Variants in RNF213 observed in about 807,000 individuals in gnomAD.
RNF213 encodes ring finger protein 213, also known as E3 ubiquitin-protein ligase RNF213.
In RNF213, 341 loss-of-function variants were observed where a neutral mutation model predicts 514.4. The observed-to-expected ratio is 0.66, with a 90% confidence interval of 0.61 to 0.73. RNF213 has a LOEUF of 0.73. Ranked by LOEUF, RNF213 falls within the 30% of genes least tolerant of loss-of-function variation. RNF213 has a pLI of 0.00. For synonymous variants in RNF213, 2,655 were observed against 2,658.2 expected (o/e 1.00, Z 0.04); for missense variants, 5,767 against 6,615.6 (o/e 0.87, Z 4.45).
Position 80,393,399 on chromosome 17 carries a change from T to A in RNF213, c.15525T>A (p.Pro5175=). The change falls in exon 68 of 68, where the codon CCT becomes CCA. Residue 5175 remains proline (P), a synonymous_variant. Coordinates refer to ENST00000582970, the MANE Select transcript of RNF213 (RefSeq NM_001256071.3). ...AAACTAAAGAAAGTGAAATTCTTCC[T>A]GAAATGGCATCTCAGTTCCCAGAAG... ...YMQTKESEIL[P]EMASQFPEEI... is the part of the protein sequence containing the mutation. The A allele has an allele frequency of 6.2e-7, 1 of 1,614,218 alleles. No individual in the cohort carries two copies. The highest frequency in any genetic ancestry group is 8.5e-7 in the Non-Finnish European group (1 of 1,180,006).
In RNF213 at chr17:80,317,178, G is replaced by A; in HGVS notation, c.2812-10G>A. The stretch of plus-strand genomic sequence containing the variant: ...TGAGAGTGGGTGTGACCTGTGTGCG[G>A]GTTTTGCAGGTCTGGAGGCGGCTGG... On this transcript the variant is annotated splice_polypyrimidine_tract_variant and intron_variant, in intron 15 of 67. Coordinates refer to ENST00000582970, the MANE Select transcript of RNF213 (RefSeq NM_001256071.3). This position sits in a 1 kb window ranked among gnomAD's most constrained non-coding sequence, Gnocchi z 4.1. The A allele has an allele frequency of 6.2e-7, 1 of 1,610,676 alleles. No individual in the cohort carries two copies. Among genetic ancestry groups the A allele is most frequent in the Non-Finnish European group, 8.5e-7 (1 of 1,179,166 alleles).
At chr17:80,280,297 G>T (rs1204504478) in intron 3 of RNF213, among the ~76,000 whole-genome samples, 1 of 152,212 alleles carries the variant, frequency 6.6e-6, no homozygotes. Context: ...CTCGGGCTCA[G>T]CAGACAGTGA....
chr17:80,289,828 TG>T lies in RNF213; in HGVS notation c.1104del (p.Lys369ArgfsTer5). 6.2e-7 allele frequency: 1 copy of T among 1,609,584 alleles called. No homozygotes were observed. The highest frequency in any genetic ancestry group is 8.5e-7 in the Non-Finnish European group (1 of 1,178,290). ...QKNQEADVQE[V>X]KASTLSPGGG... ...AACCAGGAAGCAGATGTCCAGGAAGTGAAGGCAAGGTAGGGATGCCCCCGCA... is the reference window on the plus strand; with the variant it reads ...AACCAGGAAGCAGATGTCCAGGAAGTAAGGCAAGGTAGGGATGCCCCCGCA... On this transcript the variant is annotated frameshift_variant, in exon 6 of 68. Coordinates refer to ENST00000582970, the MANE Select transcript of RNF213 (RefSeq NM_001256071.3). LOFTEE classifies it high-confidence loss of function.
intron 6 of RNF213, 49 bp downstream of exon 6, chr17:80,289,886 G>GGCACACCCTCTCCCT (rs760397781): frequency 3.9e-6 from 6 of 1,543,160 alleles, no homozygotes; most frequent in Non-Finnish European, 4.4e-6. Context: ...CTGAGAGCCC[G>GGCACACCCTCTCCCT]GCACACCCTC....
At chr17:80,328,201 G>C (rs1405023743) in intron 19 of RNF213, 127 bp from the exon 20 acceptor site, 1 of 1,215,054 alleles carries the variant, frequency 8.2e-7, no homozygotes, top group Non-Finnish European at 1.1e-6. Flanking sequence ...CGAAAAAGTG[G>C]GTATGCGCAA....
chr17:80,291,163 A>G (rs1011212649), intron 7 of RNF213, among the ~76,000 whole-genome samples: 1 of 152,096 alleles, frequency 6.6e-6, no homozygotes, highest in African/African-American at 2.4e-5. Context: ...GTTCTGGAAG[A>G]TGAATATTTC....
chr17:80,376,371 CA>C lies in RNF213; in HGVS notation c.13258del (p.Thr4420HisfsTer11). The C allele has an allele frequency of 1.2e-6, 2 of 1,614,196 alleles. No individual in the cohort carries two copies. The highest frequency in any genetic ancestry group is 2.2e-5 in the South Asian group (2 of 91,076). ...TCACCTCCTGATATCAGCCGTTTTG[CA>C]ACATCGCTCGTGGACAATTCTGTGC... Reference protein sequence around the residue: ...ILSPPDISRFATSLVDNSVPL... With the variant: ...ILSPPDISRFXTSLVDNSVPL... On this transcript the variant is annotated frameshift_variant, in exon 52 of 68. Coordinates refer to ENST00000582970, the MANE Select transcript of RNF213 (RefSeq NM_001256071.3). LOFTEE classifies it high-confidence loss of function.
rs1468549771 is a variant in RNF213, at chr17:80,363,321, C to T, written c.11568+7C>T. The T allele has an allele frequency of 1.2e-6, 2 of 1,612,300 alleles. No homozygotes were observed. The highest frequency in any genetic ancestry group is 1.7e-4 in the Middle Eastern group (1 of 6,060). ...GCTGGCTGGATGTGAGATGGTATGG[C>T]CCTCCTCCGCCTGCCCTGAGCAAGC... is the stretch of plus-strand genomic sequence containing the variant. On this transcript the variant is annotated splice_region_variant and intron_variant, in intron 40 of 67. Coordinates refer to ENST00000582970, the MANE Select transcript of RNF213 (RefSeq NM_001256071.3).
intron 21 of RNF213, among the ~76,000 whole-genome samples, chr17:80,332,951 C>G (rs2143983698): frequency 6.6e-6 from 1 of 152,234 alleles, no homozygotes. Flanking sequence ...GTTACAGAAG[C>G]CAAAAAGCAA....
At position 80,354,535 on chromosome 17, in the gene RNF213, A is replaced by G. The variant is rs1229842650; in HGVS notation, c.10821A>G (p.Glu3607=). ...ACCCTCTGGAGTGGTTGGCAAGGGA[A>G]GCCTGCAACCAGGACGCTCTCCAGG... ...QFHPLEWLAR[E]ACNQDALQEA... The change falls in exon 36 of 68, where the codon GAA becomes GAG. Residue 3607 remains glutamate (E), a synonymous_variant. Transcript: ENST00000582970. 6.2e-7 allele frequency: 1 copy of G among 1,614,204 alleles called. No homozygotes were observed. The highest frequency in any genetic ancestry group is 1.7e-5 in the Admixed American group (1 of 60,030).
At chr17:80,274,984 T>A (rs1598896179) in intron 3 of RNF213, among the ~76,000 whole-genome samples, 1 of 47,078 alleles carries the variant, frequency 2.1e-5, no homozygotes, top group Non-Finnish European at 3.8e-5. Flanking sequence ...GTGTGTTGGA[T>A]GTGTGTGTAT....
Position 80,374,487 on chromosome 17 carries a change from G to A in RNF213, c.12972G>A (p.Met4324Ile), listed in dbSNP as rs200316494. 388 of 1,614,086 alleles carry A rather than the reference G, an allele frequency of 2.4e-4. 3 individuals carry two copies. The highest frequency in any genetic ancestry group is 1.3e-3 in the Admixed American group (76 of 60,010). The change falls in exon 50 of 68, where the codon ATG becomes ATA. Residue 4324 changes from methionine to isoleucine, a missense_variant. Transcript: ENST00000582970. ...TGCGGCAGGACCACCCAGGCCAGAT[G>A]GATAGGTACCTGGTGTACGGCGATG... ...QGLRQDHPGQMDRYLVYGDEY... is the reference protein window; with the variant it reads ...QGLRQDHPGQIDRYLVYGDEY...
At chr17:80,333,218 T>G (rs1006887612) in intron 21 of RNF213, among the ~76,000 whole-genome samples, 2 of 96,302 alleles carry the variant, frequency 2.1e-5, no homozygotes, top group Admixed American at 1.8e-4. Flanking sequence ...CCGGCTAATT[T>G]TTTTGGTATT....
chr17:80,309,162 ATC>A lies in RNF213; in HGVS notation c.2650_2651del (p.Leu884GlyfsTer9). ...EIVCRMIRLL[S>X]LVDSAGQRDE... ...TTGTCTGCAGAATGATTAGACTTCT[ATC>A]TCTGGTGGTAAGTGGAGTCAACACA... On this transcript the variant is annotated frameshift_variant, in exon 14 of 68. Coordinates refer to ENST00000582970, the MANE Select transcript of RNF213 (RefSeq NM_001256071.3). LOFTEE classifies it high-confidence loss of function. 6.2e-7 allele frequency: 1 copy of A among 1,614,202 alleles called. No individual in the cohort carries two copies. Among genetic ancestry groups the A allele is most frequent in the Non-Finnish European group, 8.5e-7 (1 of 1,180,044 alleles).
chr17:80,353,277 A>G lies in RNF213; in HGVS notation c.10423+218A>G. ...CAGGCTGAGGTAGAGCTCTGTGAGC[A>G]GGCCAGCCATGGAAGTGAGCACCTA... On this transcript the variant is annotated intron_variant, in intron 33 of 67. Coordinates refer to ENST00000582970, the MANE Select transcript of RNF213 (RefSeq NM_001256071.3). The surrounding 1 kb of genome is among the most constrained non-coding windows in gnomAD (Gnocchi z 5.0). 2.5e-6 allele frequency: 2 copies of G among 789,926 alleles called. No individual in the cohort carries two copies. The highest frequency in any genetic ancestry group is 2.1e-6 in the Non-Finnish European group (1 of 485,490). The allele number at this position is 789,926 out of a possible 1,614,324, so 48.9% of individuals were successfully genotyped here.
At chr17:80,261,118 A>G (rs1316715812) in intron 1 of RNF213, among the ~76,000 whole-genome samples, 3 of 151,196 alleles carry the variant, frequency 2.0e-5, no homozygotes, top group Non-Finnish European at 4.4e-5. Context: ...CGGCTGCGGG[A>G]GGGGTCGGGG....
At position 80,287,947 on chromosome 17, in the gene RNF213, G is replaced by GCCCT; in HGVS notation, c.395_398dup (p.His135AlafsTer28). On this transcript the variant is annotated frameshift_variant, in exon 4 of 68. Coordinates refer to ENST00000582970, the MANE Select transcript of RNF213 (RefSeq NM_001256071.3). LOFTEE classifies it high-confidence loss of function. Reference sequence around the variant, plus strand: ...TTCAAACCCGTGGCCTCAGGACACAGCCCTGCCCCACAGCCAAGCCCAGCA... The same window carrying GCCCT: ...TTCAAACCCGTGGCCTCAGGACACAGCCCTCCCTGCCCCACAGCCAAGCCCAGCA... 1.9e-6 allele frequency: 3 copies of GCCCT among 1,569,876 alleles called. No homozygotes were observed. Among genetic ancestry groups the GCCCT allele is most frequent in the Non-Finnish European group, 2.6e-6 (3 of 1,157,574 alleles).
At chr17:80,312,595 C>T (rs1023520786) in intron 14 of RNF213, among the ~76,000 whole-genome samples, 1 of 151,604 alleles carries the variant, frequency 6.6e-6, no homozygotes, top group Non-Finnish European at 1.5e-5. Context: ...GGGAAGGGGA[C>T]CCAGGTTTAC....
rs183696985 is a variant in RNF213, at chr17:80,279,492, T to C, written c.261+6088T>C. Among the ~76,000 whole-genome samples the C allele has an allele frequency of 5.3e-5, 8 of 151,766 alleles. No individual in the cohort carries two copies. The East Asian group carries it at 1.6e-3, about 29-fold the overall frequency. On this transcript the variant is annotated intron_variant, in intron 3 of 67. Transcript: ENST00000582970. ...TCTTTCTTTTTTTTTTGAGACAGAG[T>C]CTCGCTCTGTCGCCCAAGCTGGAGT...
Sources: allele counts gnomAD v4.1 joint callset (sites outside exome capture counted in the v4.1 genomes callset), GRCh38; gene constraint gnomAD v4.1.1; non-coding constraint Gnocchi (gnomAD v3.1); transcripts MANE v1.5; gene names NCBI Gene and HGNC (gene_info 2026-07-23, HGNC 2026-07-21).